Variants in NOL4 observed in about 807,000 individuals in gnomAD.
NOL4 encodes the protein nucleolar protein 4.
In NOL4, 17 loss-of-function variants were observed where a neutral mutation model predicts 75.9. The ratio of observed to expected loss-of-function variants is 0.22; its 90% CI spans 0.15 to 0.34. The LOEUF is 0.34. NOL4 is among the 10% of genes least tolerant of loss of function. The pLI, the probability that NOL4 is intolerant of heterozygous loss-of-function variation, is 1.00. For synonymous variants in NOL4, 292 were observed against 289.9 expected, an observed-to-expected ratio of 1.01 and a Z score of -0.07; for missense variants, 614 against 793.5, an observed-to-expected ratio of 0.77 and a Z score of 2.72.
At chr18:33,919,756 G>T (rs2066922801) in intron 9 of NOL4, among the ~76,000 whole-genome samples, 1 of 152,172 alleles carries the variant, frequency 6.6e-6, no homozygotes, top group Admixed American at 6.5e-5. Flanking sequence ...GATGTGTACA[G>T]GGTATGCATA....
chr18:33,882,104 A>G (rs1340047250), intron 10 of NOL4, among the ~76,000 whole-genome samples: 1 of 152,222 alleles, frequency 6.6e-6, no homozygotes, highest in Non-Finnish European at 1.5e-5. Context: ...TAAAAACCCT[A>G]GAAGAAAACC....
At chr18:33,966,325 C>A (rs943493382) in intron 6 of NOL4, among the ~76,000 whole-genome samples, 2 of 151,990 alleles carry the variant, frequency 1.3e-5, no homozygotes, top group Non-Finnish European at 2.9e-5. Flanking sequence ...CTATGACAGG[C>A]CCACAGCAAA....
intron 1 of NOL4, among the ~76,000 whole-genome samples, chr18:34,138,506 G>C (rs906780327): frequency 2.0e-5 from 3 of 152,142 alleles, no homozygotes; most frequent in Admixed American, 6.6e-5. Flanking sequence ...GTATCTTTTA[G>C]GAGGGACAAA....
chr18:34,192,572 T>C (rs2034998803), intron 1 of NOL4, among the ~76,000 whole-genome samples: 1 of 152,094 alleles, frequency 6.6e-6, no homozygotes, highest in African/African-American at 2.4e-5. Flanking sequence ...TTAAAGCCAA[T>C]TGATTTTTAA....
At chr18:34,094,413 G>C (rs577869590) in intron 4 of NOL4, among the ~76,000 whole-genome samples, 2 of 152,096 alleles carry the variant, frequency 1.3e-5, no homozygotes, top group African/African-American at 2.4e-5. Context: ...ACCACAAAGA[G>C]GAGTTCTAGG....
intron 1 of NOL4, among the ~76,000 whole-genome samples, chr18:34,146,942 G>T (rs893735024): frequency 6.6e-6 from 1 of 152,056 alleles, no homozygotes; most frequent in South Asian, 2.1e-4. Context: ...CACATCCCTT[G>T]TAAGTTGGAT....
chr18:34,149,988 A>C (rs2081574930), intron 1 of NOL4, among the ~76,000 whole-genome samples: 1 of 151,588 alleles, frequency 6.6e-6, no homozygotes, highest in South Asian at 2.1e-4. Context: ...TGTCCCTTTG[A>C]GGCAGACTAT....
At chr18:33,920,192 T>TGA (rs1216436953) in intron 9 of NOL4, among the ~76,000 whole-genome samples, 3 of 151,884 alleles carry the variant, frequency 2.0e-5, no homozygotes, top group Admixed American at 6.6e-5. Flanking sequence ...AGAGGGAAGA[T>TGA]GAGAGAGAGA....
chr18:33,958,557 T>A, intron 6 of NOL4, 139 bp from the exon 7 acceptor site: 1 of 593,026 alleles, frequency 1.7e-6, no homozygotes, highest in Non-Finnish European at 2.6e-6. Flanking sequence ...GATTTTAGTT[T>A]AAATAAAAAT....
chr18:34,068,721 C>T (rs916258957), intron 5 of NOL4, among the ~76,000 whole-genome samples: 2 of 152,114 alleles, frequency 1.3e-5, no homozygotes, highest in East Asian at 1.9e-4. Flanking sequence ...TCTGAGCATC[C>T]TCACAGTAAT....
rs933656792 is a variant in NOL4 at position 33,897,089 on chromosome 18, G to C, written c.1543-13665C>G. On this transcript the variant is annotated intron_variant, in intron 9 of 10. Transcript: ENST00000261592. ...GATACCACCTCACACCAGTCAGAAT[G>C]GCTATTACTAAAAAGTCAAAAAGTA... is the stretch of plus-strand genomic sequence containing the variant. 2.0e-5 allele frequency among the ~76,000 whole-genome samples: 3 copies of C among 152,220 alleles called. No homozygotes were observed. In the South Asian group the frequency reaches 6.2e-4, roughly 32 times the overall value.
At chr18:33,991,089 A>C (rs951851067) in intron 6 of NOL4, among the ~76,000 whole-genome samples, 4 of 151,764 alleles carry the variant, frequency 2.6e-5, no homozygotes, top group African/African-American at 9.7e-5. Flanking sequence ...GCTCACTTTC[A>C]TTTTCTTCTC....
At chr18:33,974,439 T>C (rs926067926) in intron 6 of NOL4, among the ~76,000 whole-genome samples, 2 of 152,178 alleles carry the variant, frequency 1.3e-5, no homozygotes, top group Non-Finnish European at 2.9e-5. Context: ...AGGAGGACTT[T>C]TAATTTTCTT....
chr18:33,895,999 C>T (rs866893470), intron 9 of NOL4, among the ~76,000 whole-genome samples: 1 of 152,074 alleles, frequency 6.6e-6, no homozygotes, highest in South Asian at 2.1e-4. Flanking sequence ...CATTCTTATA[C>T]ACCACCAATA....
At chr18:34,114,252 G>A (rs1359104650) in intron 2 of NOL4, among the ~76,000 whole-genome samples, 2 of 152,132 alleles carry the variant, frequency 1.3e-5, no homozygotes, top group African/African-American at 4.8e-5. Context: ...TGTTTCACTT[G>A]AAAATGTATT....
chr18:34,147,283 C>A (rs754526823), intron 1 of NOL4, among the ~76,000 whole-genome samples: 1 of 152,096 alleles, frequency 6.6e-6, no homozygotes, highest in Non-Finnish European at 1.5e-5. Context: ...AGAGGGCATC[C>A]TTGTCTTGTG....
intron 5 of NOL4, among the ~76,000 whole-genome samples, chr18:34,087,806 A>C (rs1272464090): frequency 6.6e-6 from 1 of 151,856 alleles, no homozygotes; most frequent in Non-Finnish European, 1.5e-5. Context: ...AATTCTATTA[A>C]TATATCATAT....
intron 1 of NOL4, among the ~76,000 whole-genome samples, chr18:34,197,790 A>G (rs551971980): frequency 6.6e-6 from 1 of 152,028 alleles, no homozygotes; most frequent in South Asian, 2.1e-4. Flanking sequence ...TAATTTAAGG[A>G]CATGAACAAA....
chr18:34,205,676 C>A (rs2036074424), intron 1 of NOL4, among the ~76,000 whole-genome samples: 1 of 152,108 alleles, frequency 6.6e-6, no homozygotes, highest in Non-Finnish European at 1.5e-5. Flanking sequence ...ACCTACATGT[C>A]AGAAGCAAAT....
Sources: allele counts gnomAD v4.1 joint callset (sites outside exome capture counted in the v4.1 genomes callset), GRCh38; gene constraint gnomAD v4.1.1; transcripts MANE v1.5; gene names NCBI Gene and HGNC (gene_info 2026-07-23, HGNC 2026-07-21).